LPAR1: variants seen among roughly 807,000 people sequenced by gnomAD.
LPAR1 encodes the protein lysophosphatidic acid receptor 1, also known as LPA receptor 1.
A neutral mutation model predicts 23.8 loss-of-function variants in LPAR1; 5 were observed. The observed-to-expected ratio is 0.21, with a 90% confidence interval of 0.11 to 0.44. LPAR1 has a LOEUF of 0.44. Ranked by LOEUF, LPAR1 falls within the 20% of genes least tolerant of loss-of-function variation. The pLI is 0.99. For synonymous variants in LPAR1, 160 were observed against 164.7 expected, an observed-to-expected ratio of 0.97 and a Z score of 0.22; for missense variants, 311 against 482.8, an observed-to-expected ratio of 0.64 and a Z score of 3.33.
intron 5 of LPAR1, among the ~76,000 whole-genome samples, chr9:110,884,544 AT>A (rs1308990659): frequency 3.9e-5 from 6 of 152,248 alleles, no homozygotes; most frequent in Non-Finnish European, 8.8e-5. Flanking sequence ...AATAAAAAAA[AT>A]AAGTGAAAGA....
intron 2 of LPAR1, among the ~76,000 whole-genome samples, chr9:110,999,164 A>C (rs535334281): frequency 6.6e-6 from 1 of 152,288 alleles, no homozygotes; most frequent in African/African-American, 2.4e-5. Context: ...CCAACTCCCC[A>C]ATATGTCCAC....
chr9:110,889,230 C>T (rs1321914085), intron 5 of LPAR1, among the ~76,000 whole-genome samples: 11 of 151,988 alleles, frequency 7.2e-5, no homozygotes, highest in African/African-American at 2.4e-4. Context: ...CATGGTTGGG[C>T]GCCTGTAGTC....
chr9:110,946,674 A>C (rs544675670), intron 4 of LPAR1, among the ~76,000 whole-genome samples: 84 of 151,668 alleles, frequency 5.5e-4, no homozygotes, highest in African/African-American at 2.0e-3. Context: ...AAAGAAAAAA[A>C]TAAATACACA....
chr9:110,917,753 T>G (rs2093305756), intron 5 of LPAR1, among the ~76,000 whole-genome samples: 1 of 152,222 alleles, frequency 6.6e-6, no homozygotes, highest in African/African-American at 2.4e-5. Flanking sequence ...ATGAACGTTA[T>G]TGTGTTTTAC....
chr9:111,015,926 T>C (rs1291938052), intron 2 of LPAR1, among the ~76,000 whole-genome samples: 1 of 151,792 alleles, frequency 6.6e-6, no homozygotes, highest in Non-Finnish European at 1.5e-5. Context: ...AGCCTCCTCA[T>C]GCACGGCAAA....
At chr9:110,982,784 AAAC>A (rs2096698856) in intron 2 of LPAR1, among the ~76,000 whole-genome samples, 1 of 151,676 alleles carries the variant, frequency 6.6e-6, no homozygotes, top group African/African-American at 2.4e-5. Flanking sequence ...TCAAAATCAA[AAAC>A]AACAAACCAA....
intron 5 of LPAR1, among the ~76,000 whole-genome samples, chr9:110,919,266 T>C (rs2093441051): frequency 1.3e-5 from 2 of 151,018 alleles, no homozygotes; most frequent in Admixed American, 6.6e-5. Flanking sequence ...CCTCCGCCCA[T>C]TGCTGGCCTT....
intron 5 of LPAR1, among the ~76,000 whole-genome samples, chr9:110,925,112 C>T (rs555808749): frequency 6.6e-6 from 1 of 152,180 alleles, no homozygotes; most frequent in South Asian, 2.1e-4. Context: ...ATGCCACCCA[C>T]GCTGAATTGG....
At chr9:110,943,865 CAAAAA>C (rs11361205) in intron 4 of LPAR1, among the ~76,000 whole-genome samples, 1 of 109,812 alleles carries the variant, frequency 9.1e-6, no homozygotes. Flanking sequence ...AACTCCATCT[CAAAAA>C]AAAAAAAAAA....
chr9:111,003,234 T>C (rs890654777), intron 2 of LPAR1, among the ~76,000 whole-genome samples: 4 of 152,208 alleles, frequency 2.6e-5, no homozygotes, highest in African/African-American at 7.2e-5. Flanking sequence ...GTAAGTTTTA[T>C]ATAAAGTATT....
intron 5 of LPAR1, among the ~76,000 whole-genome samples, chr9:110,909,760 T>G (rs201634013): frequency 2.7e-5 from 4 of 148,414 alleles, no homozygotes; most frequent in African/African-American, 7.6e-5. Flanking sequence ...TATTTATTTA[T>G]TTAGAGAGAG....
chr9:110,995,016 C>A (rs941024688), intron 2 of LPAR1, among the ~76,000 whole-genome samples: 9 of 152,184 alleles, frequency 5.9e-5, no homozygotes, highest in African/African-American at 2.2e-4. Flanking sequence ...TAGAAAGACA[C>A]ATTTATGTTA....
chr9:110,933,631 C>T (rs2094524922), intron 5 of LPAR1, among the ~76,000 whole-genome samples: 1 of 152,176 alleles, frequency 6.6e-6, no homozygotes. Context: ...CCCTAGGAAA[C>T]AGTGATTCTC....
chr9:110,927,147 T>C (rs2025766), intron 5 of LPAR1, among the ~76,000 whole-genome samples: 129,411 of 152,192 alleles, frequency 0.85, 55,123 homozygotes, highest in Non-Finnish European at 0.87. Flanking sequence ...CAAAGTCAAT[T>C]CAACGAGTAA....
intron 5 of LPAR1, among the ~76,000 whole-genome samples, chr9:110,930,706 G>T (rs973737698): frequency 9.2e-5 from 14 of 151,782 alleles, no homozygotes; most frequent in African/African-American, 3.4e-4. Context: ...ACCTGATGTT[G>T]TGAGTTCTAG....
intron 4 of LPAR1, among the ~76,000 whole-genome samples, chr9:110,962,330 A>T (rs2096027682): frequency 6.6e-6 from 1 of 152,170 alleles, no homozygotes; most frequent in Admixed American, 6.5e-5. Flanking sequence ...TGTCTTTACC[A>T]GGTTACTGCA....
chr9:110,888,966 G>T (rs769896677), intron 5 of LPAR1, among the ~76,000 whole-genome samples: 8 of 152,336 alleles, frequency 5.3e-5, no homozygotes, highest in Non-Finnish European at 7.3e-5. Flanking sequence ...GAGCAGGAAA[G>T]AAACTGAATA....
intron 5 of LPAR1, among the ~76,000 whole-genome samples, chr9:110,881,589 A>G (rs1026166877): frequency 6.6e-6 from 1 of 152,168 alleles, no homozygotes; most frequent in African/African-American, 2.4e-5. Context: ...TGTACCTTGG[A>G]AAGTCCACAT....
chr9:110,999,590 A>T, intron 2 of LPAR1: 1 of 362,592 alleles, frequency 2.8e-6, no homozygotes, highest in South Asian at 2.1e-5. Context: ...GAAGTCGAAG[A>T]CCAGGGTGAC....
Sources: gnomAD v4.1 joint callset for allele counts (sites outside exome capture counted in the v4.1 genomes callset) on GRCh38, gnomAD v4.1.1 for gene constraint, MANE v1.5 for transcripts, NCBI Gene and HGNC (gene_info 2026-07-23, HGNC 2026-07-21) for gene names.